ACOT7: variants seen among roughly 807,000 people sequenced by gnomAD.
ACOT7 encodes cytosolic acyl coenzyme A thioester hydrolase.
Under a neutral mutation model 40.2 loss-of-function variants are expected in ACOT7, and 12 were observed. The ratio of observed to expected loss-of-function variants is 0.30; its 90% CI spans 0.19 to 0.48. ACOT7 has a LOEUF of 0.48. ACOT7 is among the 20% of genes least tolerant of loss of function. The probability of loss-of-function intolerance (pLI) is 0.99; values close to 1 mark genes in which losing one functional copy is unlikely to be tolerated. For synonymous variants in ACOT7, 228 were observed against 219.5 expected (o/e 1.04, Z -0.34); for missense variants, 395 against 530.8 (o/e 0.74, Z 2.51).
chr1:6,360,827 C>T, intron 1 of ACOT7: 1 of 1,337,586 alleles, frequency 7.5e-7, no homozygotes, highest in Non-Finnish European at 9.9e-7. Context: ...GTGCTAGGCC[C>T]ACCACCCACC....
Position 6,330,220 on chromosome 1 carries a change from C to T in ACOT7, c.511-2807G>A, listed in dbSNP as rs1431459843. Among the ~76,000 whole-genome samples the T allele has an allele frequency of 1.3e-5, 2 of 152,172 alleles. No individual in the cohort carries two copies. The highest frequency in any genetic ancestry group is 6.5e-5 in the Admixed American group (1 of 15,274). ...GGATGGCTGTCTGTAGAAAGGTCAGCGGGAGCATGCTCATGCAATATAAGA... is the reference window on the plus strand; with the variant it reads ...GGATGGCTGTCTGTAGAAAGGTCAGTGGGAGCATGCTCATGCAATATAAGA... On this transcript the variant is annotated intron_variant, in intron 4 of 8. Transcript: ENST00000361521. The surrounding 1 kb of genome is among the most constrained non-coding windows in gnomAD (Gnocchi z 4.6).
intron 1 of ACOT7, among the ~76,000 whole-genome samples, chr1:6,350,673 A>C (rs1641565955): frequency 6.6e-6 from 1 of 152,228 alleles, no homozygotes; most frequent in Non-Finnish European, 1.5e-5. Context: ...GAGACGAGTG[A>C]CAGGCAGCGG....
chr1:6,264,526 A>G lies in ACOT7; in HGVS notation c.*71T>C, dbSNP rs2148356643. On this transcript the variant is annotated 3_prime_UTR_variant, in exon 9 of 9. Transcript: ENST00000361521. Reference sequence around the variant, plus strand: ...GAATTGGGTTTTTGGCCAAGGGGGGAACTTCTAAGTGACTGGACACTGGGC... The same window carrying G: ...GAATTGGGTTTTTGGCCAAGGGGGGGACTTCTAAGTGACTGGACACTGGGC... 3.4e-6 allele frequency: 5 copies of G among 1,452,802 alleles called. No individual in the cohort carries two copies. Among genetic ancestry groups the G allele is most frequent in the African/African-American group, 2.8e-5 (2 of 70,762 alleles). 90.0% of individuals were successfully genotyped at this position (1,452,802 alleles called of 1,614,324 possible).
At chr1:6,360,617 G>A (rs761698729) in intron 1 of ACOT7, 1 of 1,614,214 alleles carries the variant, frequency 6.2e-7, no homozygotes, top group Non-Finnish European at 8.5e-7. Flanking sequence ...CCTTTCTGAG[G>A]ACGTTTAGTG....
At chr1:6,365,767 CA>C (rs57082193) in intron 1 of ACOT7, among the ~76,000 whole-genome samples, 89,780 of 142,894 alleles carry the variant, frequency 0.63, 32,805 homozygotes, top group East Asian at 0.85. Context: ...GACCCCATCT[CA>C]AAAAAAAAAA....
intron 6 of ACOT7, among the ~76,000 whole-genome samples, chr1:6,302,346 C>T (rs759117169): frequency 1.3e-5 from 2 of 152,088 alleles, no homozygotes; most frequent in Non-Finnish European, 1.5e-5. Flanking sequence ...GCCAACTTTA[C>T]GACTCAGGAG....
At chr1:6,343,262 G>A (rs1009900084) in intron 2 of ACOT7, among the ~76,000 whole-genome samples, 7 of 152,184 alleles carry the variant, frequency 4.6e-5, no homozygotes, top group African/African-American at 1.2e-4. Context: ...CCAAAGCACC[G>A]ACATGCAGCT....
At chr1:6,347,803 C>T (rs1423204175) in intron 2 of ACOT7, among the ~76,000 whole-genome samples, 3 of 151,886 alleles carry the variant, frequency 2.0e-5, no homozygotes, top group East Asian at 1.9e-4. Context: ...GCTGCCTCTC[C>T]GGGGTGTTGT....
chr1:6,367,297 T>TG (rs1233201363), intron 1 of ACOT7, among the ~76,000 whole-genome samples: 1 of 152,240 alleles, frequency 6.6e-6, no homozygotes, highest in African/African-American at 2.4e-5. Context: ...ATGGGATCTT[T>TG]GGGGTATCCC....
rs369695606 is a variant in ACOT7 at position 6,350,785 on chromosome 1, T to A, written c.144-919A>T. ...GGAGCAGCGTCTCCCCAGGTCTGCA[T>A]CTCCTCTCTGCTTCTCTAGCAGCTC... On this transcript the variant is annotated intron_variant, in intron 1 of 8. Transcript: ENST00000361521. 1.8e-4 allele frequency among the ~76,000 whole-genome samples: 28 copies of A among 152,310 alleles called. No individual in the cohort carries two copies. The South Asian group carries it at 1.9e-3, about 10-fold the overall frequency.
chr1:6,284,809 C>G (rs1052937475), intron 7 of ACOT7, among the ~76,000 whole-genome samples: 2 of 152,100 alleles, frequency 1.3e-5, no homozygotes, highest in African/African-American at 4.8e-5. Flanking sequence ...CCCCTGCTTT[C>G]CACACCCCAC....
At chr1:6,317,547 C>T (rs1359212973) in intron 6 of ACOT7, among the ~76,000 whole-genome samples, 6 of 152,092 alleles carry the variant, frequency 3.9e-5, no homozygotes, top group East Asian at 1.9e-4. Flanking sequence ...GAGTCACTGC[C>T]GGTGAGTCAC....
At chr1:6,329,769 C>G (rs900427032) in intron 4 of ACOT7, among the ~76,000 whole-genome samples, 1 of 152,084 alleles carries the variant, frequency 6.6e-6, no homozygotes, top group African/African-American at 2.4e-5. Flanking sequence ...ATCTGAGAGA[C>G]AGGCTGTGAA....
intron 3 of ACOT7, among the ~76,000 whole-genome samples, chr1:6,335,757 C>G (rs1357403268): frequency 6.6e-6 from 1 of 152,262 alleles, no homozygotes; most frequent in Non-Finnish European, 1.5e-5. Context: ...TGCCCCTCCT[C>G]CCCGCACAGA....
At chr1:6,271,675 C>A (rs1244656638) in intron 8 of ACOT7, among the ~76,000 whole-genome samples, 1 of 152,166 alleles carries the variant, frequency 6.6e-6, no homozygotes, top group Non-Finnish European at 1.5e-5. Flanking sequence ...GGGTTAATTA[C>A]CTCCTCCTCC....
intron 5 of ACOT7, among the ~76,000 whole-genome samples, chr1:6,319,706 G>T (rs1477316327): frequency 7.2e-5 from 11 of 152,182 alleles, no homozygotes; most frequent in Non-Finnish European, 2.9e-5. Flanking sequence ...CATCCCTGGC[G>T]CTTGCGTTGA....
At chr1:6,367,198 CAA>C (rs1192859880) in intron 1 of ACOT7, among the ~76,000 whole-genome samples, 15 of 103,134 alleles carry the variant, frequency 1.5e-4, no homozygotes, top group East Asian at 2.7e-4. Flanking sequence ...GACTCCATTT[CAA>C]AAAAAAAAAA....
chr1:6,334,565 G>A (rs921120475), intron 3 of ACOT7, among the ~76,000 whole-genome samples: 29 of 152,240 alleles, frequency 1.9e-4, no homozygotes, highest in African/African-American at 6.8e-4. Flanking sequence ...CAGACACTCG[G>A]GTGTGCTGCC....
intron 1 of ACOT7, among the ~76,000 whole-genome samples, chr1:6,366,998 A>C (rs1642026395): frequency 6.6e-6 from 1 of 151,942 alleles, no homozygotes; most frequent in African/African-American, 2.4e-5. Flanking sequence ...GGAGATGGAG[A>C]CCATGATGGC....
Sources: allele counts gnomAD v4.1 joint callset (sites outside exome capture counted in the v4.1 genomes callset), GRCh38; gene constraint gnomAD v4.1.1; non-coding constraint Gnocchi (gnomAD v3.1); transcripts MANE v1.5; gene names NCBI Gene and HGNC (gene_info 2026-07-23, HGNC 2026-07-21).